The following FOCAD variants were observed in gnomAD, a reference collection of about 807,000 sequenced individuals.
FOCAD encodes KIAA1797.
In FOCAD, 198 loss-of-function variants were observed where a neutral mutation model predicts 225.6. The observed-to-expected ratio is 0.88, with a 90% CI of 0.78 to 0.99. FOCAD has a LOEUF of 0.99. Ranked by LOEUF, FOCAD falls within the 50% of genes least tolerant of loss-of-function variation. The pLI, the probability that FOCAD is intolerant of heterozygous loss-of-function variation, is 0.00. For synonymous variants in FOCAD, 897 were observed against 755.0 expected (o/e 1.19, Z -3.08); for missense variants, 2,713 against 2,123.6 (o/e 1.28, Z -5.46).
intron 11 of FOCAD, among the ~76,000 whole-genome samples, chr9:20,803,321 A>G (rs1422616257): frequency 3.3e-5 from 5 of 152,034 alleles, no homozygotes; most frequent in Non-Finnish European, 7.4e-5. Flanking sequence ...TACCTGCCCC[A>G]TGTCTCTCTC....
chr9:20,732,556 T>A (rs1382182341), intron 4 of FOCAD, among the ~76,000 whole-genome samples: 1 of 152,086 alleles, frequency 6.6e-6, no homozygotes, highest in Non-Finnish European at 1.5e-5. Flanking sequence ...TCTTGATGAT[T>A]TGGGTCTTTA....
At position 20,778,686 on chromosome 9, in the gene FOCAD, T is replaced by A. The variant is rs1424253130; in HGVS notation, c.912T>A (p.Phe304Leu). 6.2e-7 allele frequency: 1 copy of A among 1,603,860 alleles called. No homozygotes were observed. Among genetic ancestry groups the A allele is most frequent in the Non-Finnish European group, 8.5e-7 (1 of 1,171,332 alleles). Residue 304 changes from phenylalanine to leucine, a missense_variant, in exon 9 of 44, where the codon TTT (phenylalanine) becomes TTA (leucine). Coordinates refer to ENST00000338382, the MANE Select transcript of FOCAD (RefSeq NM_001375567.1). Reference sequence around the variant, plus strand: ...TTCCCCCTCTATTCTTTTAGGATTTTCCTGTTGAACTGGTCATAATTGGAA... The same window carrying A: ...TTCCCCCTCTATTCTTTTAGGATTTACCTGTTGAACTGGTCATAATTGGAA... ...EHSVELLKEDFPVELVIIGIA... is the reference protein window; with the variant it reads ...EHSVELLKEDLPVELVIIGIA...
chr9:20,787,044 A>T (rs201878506), intron 10 of FOCAD: 1 of 407,782 alleles, frequency 2.5e-6, no homozygotes, highest in Non-Finnish European at 4.9e-6. Flanking sequence ...GCTGTCACTC[A>T]ATGGGACAAT....
At chr9:20,964,231 G>T (rs938684931) in intron 35 of FOCAD, among the ~76,000 whole-genome samples, 1 of 151,970 alleles carries the variant, frequency 6.6e-6, no homozygotes, top group African/African-American at 2.4e-5. Context: ...GCCAGGTATG[G>T]TGGTGCACAC....
intron 1 of FOCAD, among the ~76,000 whole-genome samples, chr9:20,712,426 G>A (rs932214152): frequency 1.3e-4 from 20 of 152,078 alleles, no homozygotes; most frequent in Admixed American, 5.9e-4. Flanking sequence ...TTGGGAGGCC[G>A]AGGCGGGCGG....
intron 34 of FOCAD, among the ~76,000 whole-genome samples, chr9:20,951,767 A>C (rs1033259876): frequency 7.9e-5 from 12 of 152,056 alleles, no homozygotes; most frequent in Non-Finnish European, 1.8e-4. Flanking sequence ...GTACTTGGAG[A>C]TTTTCTGGGG....
intron 35 of FOCAD, among the ~76,000 whole-genome samples, chr9:20,958,953 G>A (rs1281669447): frequency 1.3e-5 from 2 of 152,076 alleles, no homozygotes; most frequent in East Asian, 3.9e-4. Flanking sequence ...TGGACACCTA[G>A]ATTTATTCCA....
intron 11 of FOCAD, among the ~76,000 whole-genome samples, chr9:20,799,976 T>C (rs1821610630): frequency 6.6e-6 from 1 of 152,152 alleles, no homozygotes; most frequent in Admixed American, 6.5e-5. Flanking sequence ...GTTTTTGCAG[T>C]GGCTGGTACC....
intron 21 of FOCAD, among the ~76,000 whole-genome samples, chr9:20,901,190 CAATGTG>C (rs764337354): frequency 2.9e-5 from 3 of 103,420 alleles, no homozygotes; most frequent in African/African-American, 8.3e-5. Flanking sequence ...AATGTGGAAA[CAATGTG>C]TGTGTGTGTG....
chr9:20,936,926 C>T lies in FOCAD; in HGVS notation c.3407+3823C>T, dbSNP rs1458619998. 6.0e-3 allele frequency among the ~76,000 whole-genome samples: 906 copies of T among 152,238 alleles called. 7 individuals are homozygous for T. The highest frequency in any genetic ancestry group is 0.031 in the Middle Eastern group (9 of 294). ...TGCAAAAATCACAAACATTTTTATA[C>T]ATCAATAACAGACAAACAAAGAGCC... On this transcript the variant is annotated intron_variant, in intron 28 of 43. Coordinates refer to ENST00000338382, the MANE Select transcript of FOCAD (RefSeq NM_001375567.1).
chr9:20,723,368 A>G (rs773455953), intron 4 of FOCAD, among the ~76,000 whole-genome samples: 2 of 152,142 alleles, frequency 1.3e-5, no homozygotes, highest in Non-Finnish European at 2.9e-5. Flanking sequence ...TATGCCTGTA[A>G]TCCCAGCTAC....
At position 20,948,872 on chromosome 9, in the gene FOCAD, C is replaced by G. The variant is rs1439116863; in HGVS notation, c.3820C>G (p.Leu1274Val). Residue 1274 changes from leucine to valine, a missense_variant, in exon 32 of 44, where the codon CTG (leucine) becomes GTG (valine). Coordinates refer to ENST00000338382, the MANE Select transcript of FOCAD (RefSeq NM_001375567.1). ...LTEGTPTMLCLAALHGMVALV... is the reference protein window; with the variant it reads ...LTEGTPTMLCVAALHGMVALV... ...TCAGGGCACTCCCACAATGCTTTGT[C>G]TGGCAGCTCTTCATGGCATGGTGGC... 1.2e-6 allele frequency: 2 copies of G among 1,613,396 alleles called. No homozygotes were observed. The highest frequency in any genetic ancestry group is 2.2e-5 in the East Asian group (1 of 44,870).
At chr9:20,985,021 G>C (rs946414159) in intron 39 of FOCAD, among the ~76,000 whole-genome samples, 3 of 152,090 alleles carry the variant, frequency 2.0e-5, no homozygotes, top group African/African-American at 7.2e-5. Context: ...GGCTGGTTTT[G>C]ACCTCCTGGC....
At position 20,917,103 on chromosome 9, in the gene FOCAD, T is replaced by C. The variant is rs550680958; in HGVS notation, c.2852+166T>C. The stretch of plus-strand genomic sequence containing the variant: ...GTTACCCTTCTTATAGTAGGTGAAT[T>C]CTTACTACATGTCTTTTTGTGAAAA... On this transcript the variant is annotated intron_variant, in intron 24 of 43. Transcript: ENST00000338382. Among the ~76,000 whole-genome samples, 6 of 152,316 alleles carry C rather than the reference T, an allele frequency of 3.9e-5. No individual in the cohort carries two copies. In the South Asian group the frequency reaches 1.2e-3, roughly 32 times the overall value.
chr9:20,806,988 A>G (rs73647673), intron 11 of FOCAD, among the ~76,000 whole-genome samples: 33,668 of 152,180 alleles, frequency 0.22, 3,927 homozygotes, highest in South Asian at 0.34. Context: ...TTCAAAATAT[A>G]TTAAGAGATT....
intron 28 of FOCAD, among the ~76,000 whole-genome samples, chr9:20,938,237 C>A (rs1006765604): frequency 1.3e-5 from 2 of 152,184 alleles, no homozygotes; most frequent in African/African-American, 4.8e-5. Flanking sequence ...TGGGTATATA[C>A]CCAAAGGTTT....
intron 15 of FOCAD, among the ~76,000 whole-genome samples, chr9:20,859,228 A>G (rs983273127): frequency 1.3e-5 from 2 of 152,106 alleles, no homozygotes; most frequent in Non-Finnish European, 2.9e-5. Context: ...CAAATTAAAA[A>G]AACATTATCT....
intron 11 of FOCAD, among the ~76,000 whole-genome samples, chr9:20,816,785 G>A (rs1461598227): frequency 2.0e-5 from 3 of 151,746 alleles, no homozygotes; most frequent in African/African-American, 7.3e-5. Context: ...GAGCATATTT[G>A]GGGAAGAAAA....
chr9:20,915,246 T>C (rs1177823232), intron 23 of FOCAD, among the ~76,000 whole-genome samples: 1 of 152,094 alleles, frequency 6.6e-6, no homozygotes, highest in Non-Finnish European at 1.5e-5. Context: ...AAAATCATGA[T>C]GCTGGATGAG....
Sources: allele counts gnomAD v4.1 joint callset (sites outside exome capture counted in the v4.1 genomes callset), GRCh38; gene constraint gnomAD v4.1.1; transcripts MANE v1.5; gene names NCBI Gene and HGNC (gene_info 2026-07-23, HGNC 2026-07-21).